Variants in ZNF438 observed in about 807,000 individuals in gnomAD.
ZNF438 encodes zinc finger protein 438.
In ZNF438, 25 loss-of-function variants were observed where a neutral mutation model predicts 38.0. That is an observed-to-expected ratio of 0.66 (90% confidence interval 0.48 to 0.92). ZNF438 has a LOEUF of 0.92. Ranked by LOEUF, ZNF438 falls within the 40% of genes least tolerant of loss-of-function variation. The pLI is 0.00. For missense variants in ZNF438, 1,007 were observed against 999.6 expected (o/e 1.01, Z -0.10); for synonymous variants, 372 against 364.1 (o/e 1.02, Z -0.25).
intron 1 of ZNF438, among the ~76,000 whole-genome samples, chr10:31,001,436 C>T (rs2054650512): frequency 6.6e-6 from 1 of 152,016 alleles, no homozygotes; most frequent in African/African-American, 2.4e-5. Flanking sequence ...GGAGGCCCAC[C>T]CTATTTCCTG....
chr10:30,848,740 T>C, exon 5 of ZNF438: 2 of 1,613,996 alleles, frequency 1.2e-6, no homozygotes. Context: ...CATGATGAAG[T>C]TTCATGTGTG....
chr10:30,946,641 C>T (rs1363342360), intron 1 of ZNF438, among the ~76,000 whole-genome samples: 6 of 152,186 alleles, frequency 3.9e-5, no homozygotes, highest in Non-Finnish European at 2.9e-5. Flanking sequence ...ATTTTGTAGA[C>T]AGTATAGTTA....
intron 2 of ZNF438, among the ~76,000 whole-genome samples, chr10:30,916,223 T>C (rs1182691346): frequency 1.3e-5 from 2 of 152,076 alleles, no homozygotes; most frequent in Non-Finnish European, 2.9e-5. Flanking sequence ...TGATAAACAC[T>C]TGAATGACTG....
At chr10:30,936,960 C>T (rs1181711610) in intron 2 of ZNF438, among the ~76,000 whole-genome samples, 3 of 152,174 alleles carry the variant, frequency 2.0e-5, no homozygotes, top group Admixed American at 1.3e-4. Context: ...TGAAATGTTT[C>T]TCACCTGTGG....
exon 4 of ZNF438, chr10:30,877,011 T>C: frequency 1.2e-6 from 2 of 1,606,344 alleles, no homozygotes; most frequent in Non-Finnish European, 1.7e-6. Flanking sequence ...CATCTTTTGG[T>C]GGTACTGATA....
chr10:31,026,380 A>G (rs1223289257), intron 1 of ZNF438, among the ~76,000 whole-genome samples: 1 of 107,786 alleles, frequency 9.3e-6, no homozygotes, highest in Non-Finnish European at 1.9e-5. Context: ...CAAAGAACTT[A>G]AACAAATTTA....
intron 3 of ZNF438, among the ~76,000 whole-genome samples, chr10:30,892,451 G>A (rs913864505): frequency 6.6e-6 from 1 of 152,070 alleles, no homozygotes; most frequent in African/African-American, 2.4e-5. Context: ...TAACTGAAAT[G>A]AGAAGAGAAA....
At chr10:30,873,170 G>A (rs1276452867) in intron 4 of ZNF438, among the ~76,000 whole-genome samples, 2 of 152,088 alleles carry the variant, frequency 1.3e-5, no homozygotes, top group Non-Finnish European at 2.9e-5. Context: ...GACAAAAAAA[G>A]GAGGTTATGG....
chr10:30,860,952 A>T (rs1409110374), intron 4 of ZNF438, among the ~76,000 whole-genome samples: 1 of 152,186 alleles, frequency 6.6e-6, no homozygotes, highest in Non-Finnish European at 1.5e-5. Context: ...TGCCTTGCAG[A>T]CTTTAGTATT....
At chr10:30,954,587 A>T (rs1259312497) in intron 1 of ZNF438, among the ~76,000 whole-genome samples, 2 of 152,172 alleles carry the variant, frequency 1.3e-5, no homozygotes, top group Non-Finnish European at 2.9e-5. Context: ...AATCTTGATG[A>T]TGTGCACTTT....
intron 1 of ZNF438, among the ~76,000 whole-genome samples, chr10:31,000,986 C>T (rs925040907): frequency 6.6e-6 from 1 of 152,274 alleles, no homozygotes; most frequent in African/African-American, 2.4e-5. Flanking sequence ...CTTCTAAAGT[C>T]CTGTTCGAGA....
intron 1 of ZNF438, among the ~76,000 whole-genome samples, chr10:31,028,141 A>C (rs79405440): frequency 6.8e-6 from 1 of 146,844 alleles, no homozygotes; most frequent in Admixed American, 6.8e-5. Context: ...TTTCTATGAC[A>C]AAAAAAAAAT....
chr10:30,856,013 A>G (rs572998507), intron 4 of ZNF438, among the ~76,000 whole-genome samples: 1 of 152,338 alleles, frequency 6.6e-6, no homozygotes, highest in Non-Finnish European at 1.5e-5. Flanking sequence ...AATGAAAGGA[A>G]AACGAAAGTT....
intron 1 of ZNF438, among the ~76,000 whole-genome samples, chr10:30,950,044 C>T (rs1399175449): frequency 6.6e-6 from 1 of 151,706 alleles, no homozygotes; most frequent in Non-Finnish European, 1.5e-5. Flanking sequence ...TTATAACAAA[C>T]TATCTCTCAG....
chr10:30,866,628 A>G (rs999106398), intron 4 of ZNF438, among the ~76,000 whole-genome samples: 1 of 152,074 alleles, frequency 6.6e-6, no homozygotes, highest in African/African-American at 2.4e-5. Flanking sequence ...AGGTCAGGAG[A>G]TCGAGACCAT....
intron 1 of ZNF438, among the ~76,000 whole-genome samples, chr10:30,997,815 T>C (rs376506579): frequency 6.6e-6 from 1 of 152,270 alleles, no homozygotes; most frequent in East Asian, 1.9e-4. Flanking sequence ...GATATGAGTA[T>C]GTCATTCTTG....
intron 1 of ZNF438, among the ~76,000 whole-genome samples, chr10:31,028,311 C>G (rs868374861): frequency 1.3e-5 from 2 of 152,278 alleles, no homozygotes; most frequent in African/African-American, 4.8e-5. Context: ...CAAGCCAACT[C>G]CCTTATTTCT....
rs992932570 is a variant in ZNF438 at position 30,867,012 on chromosome 10, A to G, written c.37+9986T>C. On this transcript the variant is annotated intron_variant, in intron 4 of 5. Transcript: ENST00000413025. ...GAATCACTTAAGTATGAGACTCAAA[A>G]TCTAATAGAATACAAAAGTACATGG... 2.0e-5 allele frequency among the ~76,000 whole-genome samples: 3 copies of G among 152,214 alleles called. No homozygotes were observed. The East Asian group carries it at 5.8e-4, about 29-fold the overall frequency.
intron 3 of ZNF438, among the ~76,000 whole-genome samples, chr10:30,906,327 A>G (rs2042580329): frequency 1.3e-5 from 2 of 152,186 alleles, no homozygotes; most frequent in South Asian, 4.1e-4. Context: ...TGCTACTGCC[A>G]ACGTCATTGT....
Sources: gnomAD v4.1 joint callset for allele counts (sites outside exome capture counted in the v4.1 genomes callset) on GRCh38, gnomAD v4.1.1 for gene constraint, MANE v1.5 for transcripts, NCBI Gene and HGNC (gene_info 2026-07-23, HGNC 2026-07-21) for gene names.